Variants in AKT1 observed in about 807,000 individuals in gnomAD.
The protein encoded by AKT1 is RAC-alpha serine/threonine-protein kinase.
AKT1 carries 21 observed loss-of-function variants against 63.1 expected under a neutral mutation model. The ratio of observed to expected loss-of-function variants is 0.33; its 90% CI spans 0.24 to 0.48. The LOEUF is 0.48. AKT1 is among the 20% of genes least tolerant of loss of function. The pLI, the probability that AKT1 is intolerant of heterozygous loss-of-function variation, is 0.99. For synonymous variants in AKT1, 257 were observed against 253.1 expected (o/e 1.02, Z -0.15); for missense variants, 382 against 666.0 (o/e 0.57, Z 4.69).
chr14:104,770,648 A>AT, intron 14 of AKT1, 97 bp downstream of exon 14: 2 of 1,215,276 alleles, frequency 1.6e-6, no homozygotes, highest in South Asian at 2.6e-5. Flanking sequence ...AAATATTTAG[A>AT]TTTTAAAACA....
chr14:104,775,989 G>T, intron 5 of AKT1, 190 bp from the exon 6 acceptor site: 2 of 638,848 alleles, frequency 3.1e-6, no homozygotes, highest in Non-Finnish European at 5.2e-6. Flanking sequence ...TCTTGGACGT[G>T]GGGGACACCC....
At chr14:104,770,695 T>TA in intron 14 of AKT1, 50 bp downstream of exon 14, 1 of 1,509,866 alleles carries the variant, frequency 6.6e-7, no homozygotes, top group Non-Finnish European at 9.2e-7. Context: ...CAGGCCTCTC[T>TA]GAGTGTGGAG....
intron 1 of AKT1, among the ~76,000 whole-genome samples, chr14:104,794,713 C>T (rs1158939007): frequency 6.6e-6 from 1 of 152,232 alleles, no homozygotes; most frequent in African/African-American, 2.4e-5. Context: ...CAAGAAGTGG[C>T]CACCTGGAGC....
chr14:104,794,159 G>C (rs1320264820), intron 1 of AKT1: 1 of 152,438 alleles, frequency 6.6e-6, no homozygotes, highest in Non-Finnish European at 1.5e-5. Flanking sequence ...AGGATGGAAA[G>C]CAGGCCAGAC....
Position 104,789,905 on chromosome 14 carries a change from C to T in AKT1, c.46+2693G>A, listed in dbSNP as rs80157928. On this transcript the variant is annotated intron_variant, in intron 3 of 14. Coordinates refer to ENST00000649815, the MANE Select transcript of AKT1 (RefSeq NM_001382430.1). ...CCTGCAGCCGGAACTCCTGTGTCCC[C>T]ATGCCCGGTCCCTTCTGTCCCTGAA... Among the ~76,000 whole-genome samples, 365 of 152,368 alleles carry T rather than the reference C, an allele frequency of 2.4e-3. 3 individuals carry two copies. Among genetic ancestry groups the T allele is most frequent in the Middle Eastern group, 0.024 (7 of 294 alleles).
chr14:104,788,500 C>T (rs1168524736), intron 3 of AKT1, among the ~76,000 whole-genome samples: 1 of 152,192 alleles, frequency 6.6e-6, no homozygotes, highest in Non-Finnish European at 1.5e-5. Context: ...CCAAGGCCTC[C>T]TCCAGGATGA....
At chr14:104,773,740 C>A in intron 9 of AKT1, 160 bp from the exon 10 acceptor site, 1 of 1,261,444 alleles carries the variant, frequency 7.9e-7, no homozygotes, top group South Asian at 1.5e-5. Flanking sequence ...CCTAACTCAG[C>A]AGGAACAAGT....
intron 1 of AKT1, chr14:104,794,212 C>T (rs1481213665): frequency 6.6e-6 from 1 of 152,280 alleles, no homozygotes; most frequent in African/African-American, 2.4e-5. Context: ...GGCTCCGAGC[C>T]GCGCACGCCT....
chr14:104,790,281 G>A (rs892083333), intron 3 of AKT1, among the ~76,000 whole-genome samples: 1 of 152,222 alleles, frequency 6.6e-6, no homozygotes, highest in Non-Finnish European at 1.5e-5. Flanking sequence ...CAAGGCTGGG[G>A]GGGAGTGGAA....
chr14:104,785,916 C>A (rs984051121), intron 3 of AKT1, among the ~76,000 whole-genome samples: 8 of 152,082 alleles, frequency 5.3e-5, no homozygotes, highest in Non-Finnish European at 1.0e-4. Context: ...TCTCCTGGGG[C>A]TCTACTGGGT....
chr14:104,776,505 G>A, intron 5 of AKT1, 154 bp downstream of exon 5: 1 of 619,804 alleles, frequency 1.6e-6, no homozygotes, highest in South Asian at 2.1e-5. Context: ...AGGCAGGACT[G>A]GGCCAGTTTC....
Position 104,788,712 on chromosome 14 carries a change from G to A in AKT1, c.46+3886C>T, listed in dbSNP as rs138691511. ...GCCAGTGCCAGGACTTCAAGGCGGGGAGAGGGGGTGGGAAGGAGGCCCAGC... is the reference window on the plus strand; with the variant it reads ...GCCAGTGCCAGGACTTCAAGGCGGGAAGAGGGGGTGGGAAGGAGGCCCAGC... On this transcript the variant is annotated intron_variant, in intron 3 of 14. Coordinates refer to ENST00000649815, the MANE Select transcript of AKT1 (RefSeq NM_001382430.1). 3.2e-3 allele frequency among the ~76,000 whole-genome samples: 487 copies of A among 152,320 alleles called. 6 individuals are homozygous for A. The highest frequency in any genetic ancestry group is 0.031 in the South Asian group (151 of 4,832).
At chr14:104,788,675 C>G (rs868739508) in intron 3 of AKT1, among the ~76,000 whole-genome samples, 2 of 152,294 alleles carry the variant, frequency 1.3e-5, no homozygotes, top group East Asian at 1.9e-4. Context: ...TCAGTGCCCC[C>G]CCGCAGGGAC....
intron 3 of AKT1, among the ~76,000 whole-genome samples, chr14:104,788,058 T>C (rs1481995664): frequency 1.3e-5 from 2 of 151,936 alleles, no homozygotes; most frequent in Admixed American, 6.5e-5. Context: ...TGCCCAGCCC[T>C]CCCACCAGGA....
intron 3 of AKT1, among the ~76,000 whole-genome samples, chr14:104,786,007 CCA>C (rs1432097868): frequency 6.6e-6 from 1 of 152,120 alleles, no homozygotes; most frequent in African/African-American, 2.4e-5. Flanking sequence ...TGCCCGTCAC[CCA>C]CCCCTCGGGC....
In AKT1 at chr14:104,782,616, G is replaced by T. The variant is rs6576060; in HGVS notation, c.47-2400C>A. Among the ~76,000 whole-genome samples the T allele has an allele frequency of 3.3e-4, 50 of 152,282 alleles. 3 individuals are homozygous for T. In the South Asian group the frequency reaches 9.7e-3, roughly 30 times the overall value. Reference sequence around the variant, plus strand: ...CCCCGAGCATTCCTGGGGAGTCCTGGGATGGGCAGAGGCCCAAATGGGCCC... The same window carrying T: ...CCCCGAGCATTCCTGGGGAGTCCTGTGATGGGCAGAGGCCCAAATGGGCCC... On this transcript the variant is annotated intron_variant, in intron 3 of 14. Coordinates refer to ENST00000649815, the MANE Select transcript of AKT1 (RefSeq NM_001382430.1).
chr14:104,773,210 G>A, intron 11 of AKT1, 41 bp downstream of exon 11: 1 of 1,613,496 alleles, frequency 6.2e-7, no homozygotes, highest in Non-Finnish European at 8.5e-7. Flanking sequence ...CTCAGGACGT[G>A]GGGACGCAGC....
At chr14:104,782,748 CT>C (rs35285446) in intron 3 of AKT1, among the ~76,000 whole-genome samples, 19,720 of 152,180 alleles carry the variant, frequency 0.13, 2,292 homozygotes, top group East Asian at 0.66. Flanking sequence ...CTCACGTGGC[CT>C]TTGTCTTCGG....
chr14:104,782,044 G>A (rs915146019), intron 3 of AKT1, among the ~76,000 whole-genome samples: 16 of 152,096 alleles, frequency 1.1e-4, no homozygotes, highest in South Asian at 2.1e-4. Flanking sequence ...GCACATACAC[G>A]CACATACGTG....
Sources: gnomAD v4.1 joint callset for allele counts (sites outside exome capture counted in the v4.1 genomes callset) on GRCh38, gnomAD v4.1.1 for gene constraint, MANE v1.5 for transcripts, NCBI Gene and HGNC (gene_info 2026-07-23, HGNC 2026-07-21) for gene names.